QSOX2: variants seen among roughly 807,000 people sequenced by gnomAD.
The protein encoded by QSOX2 is quiescin sulfhydryl oxidase 2.
Under a neutral mutation model 61.7 loss-of-function variants are expected in QSOX2, and 46 were observed. The observed-to-expected ratio is 0.75, with a 90% CI of 0.59 to 0.95. The LOEUF (loss-of-function observed/expected upper bound fraction) is 0.95, where lower values mean the gene tolerates loss of function less well. Ranked by LOEUF, QSOX2 falls within the 40% of genes least tolerant of loss-of-function variation. The pLI is 0.00. For missense variants in QSOX2, 879 were observed against 918.9 expected (o/e 0.96, Z 0.56); for synonymous variants, 383 against 388.4 (o/e 0.99, Z 0.16).
At chr9:136,237,138 G>GTCACCTGGAGCCCGTCCTGGGCCTGCA (rs1830391868) in intron 1 of QSOX2, among the ~76,000 whole-genome samples, 1 of 132,012 alleles carries the variant, frequency 7.6e-6, no homozygotes, top group African/African-American at 2.9e-5. Flanking sequence ...CTGGGCCGGC[G>GTCACCTGGAGCCCGTCCTGGGCCTGCA]TCACCTGGAG....
rs767414712 is a variant in QSOX2, at chr9:136,221,797, C to T, written c.820G>A (p.Val274Ile). Residue 274 changes from valine to isoleucine, a missense_variant and splice_region_variant, in exon 6 of 12, where the codon GTC becomes ATC. Val to Ile is a conservative substitution (Grantham distance 29). Coordinates refer to ENST00000358701, the MANE Select transcript of QSOX2 (RefSeq NM_181701.4). The surrounding 1 kb of genome is among the most constrained non-coding windows in gnomAD (Gnocchi z 4.5). Reference sequence around the variant, plus strand: ...CCCAGACCCCACCCGGGCACTCACACGTTAATCAATCCATGCGACCCATTT... The same window carrying T: ...CCCAGACCCCACCCGGGCACTCACATGTTAATCAATCCATGCGACCCATTT... ...YPNGSHGLINVVKPLRAFFSS... is the reference protein window; with the variant it reads ...YPNGSHGLINIVKPLRAFFSS... The T allele has an allele frequency of 9.4e-6, 15 of 1,599,784 alleles. No homozygotes were observed. In the East Asian group the frequency reaches 1.3e-4, roughly 14 times the overall value.
At chr9:136,229,624 C>T (rs1181067306) in intron 1 of QSOX2, among the ~76,000 whole-genome samples, 1 of 152,174 alleles carries the variant, frequency 6.6e-6, no homozygotes, top group Non-Finnish European at 1.5e-5. Context: ...ATCATCAAGC[C>T]GGCCTAGAAA....
chr9:136,229,210 C>T (rs922205934), intron 1 of QSOX2, among the ~76,000 whole-genome samples: 6 of 152,260 alleles, frequency 3.9e-5, no homozygotes, highest in Admixed American at 2.6e-4. Flanking sequence ...AGAAGCGACA[C>T]GAGCTCTCTG....
Position 136,209,041 on chromosome 9 carries a change from G to C in QSOX2, c.1784C>G (p.Thr595Ser). 4 of 1,614,122 alleles carry C rather than the reference G, an allele frequency of 2.5e-6. No individual in the cohort carries two copies. The highest frequency in any genetic ancestry group is 3.4e-6 in the Non-Finnish European group (4 of 1,179,994). ...GTCTCCATGGGACACCTCTGGGGGA[G>C]TGAGTCTTTTCTCCTCTTCCTCACC... ...ARGEEEEKRLTPPEVSHGDRD... is the reference protein window; with the variant it reads ...ARGEEEEKRLSPPEVSHGDRD... The change falls in exon 12 of 12, where the codon ACT (threonine) becomes AGT (serine). Residue 595 changes from threonine to serine, a missense_variant. Physicochemically the swap from Thr to Ser is moderately conservative, Grantham distance 58. Transcript: ENST00000358701. This position sits in a 1 kb window ranked among gnomAD's most constrained non-coding sequence, Gnocchi z 5.6.
At chr9:136,216,395 G>A (rs1831913793) in intron 9 of QSOX2, among the ~76,000 whole-genome samples, 1 of 152,260 alleles carries the variant, frequency 6.6e-6, no homozygotes, top group Non-Finnish European at 1.5e-5. Flanking sequence ...TTGGTGAGCT[G>A]TCCTTAAACT....
At chr9:136,229,942 C>A (rs551820137) in intron 1 of QSOX2, among the ~76,000 whole-genome samples, 1 of 152,222 alleles carries the variant, frequency 6.6e-6, no homozygotes, top group East Asian at 1.9e-4. Flanking sequence ...AGGTGAAGGC[C>A]GCTTGGACAG....
rs1554755630 is a variant in QSOX2, at chr9:136,208,289, A to AGTGGAGGGTGCAGGGAGGGCCAAGGTG, written c.*438_*439insCACCTTGGCCCTCCCTGCACCCTCCAC. The AGTGGAGGGTGCAGGGAGGGCCAAGGTG allele has an allele frequency of 4.1e-4, 2 of 4,882 alleles. No homozygotes were observed. Among genetic ancestry groups the AGTGGAGGGTGCAGGGAGGGCCAAGGTG allele is most frequent in the African/African-American group, 1.3e-3 (2 of 1,556 alleles). 0.3% of individuals were successfully genotyped at this position (4,882 alleles called of 1,614,324 possible). ...GAGCGGGGGGAGGGGGAGCGAGGGG[A>AGTGGAGGGTGCAGGGAGGGCCAAGGTG]GTGGGGGGGAGCCAGGAGCCGCGGG... On this transcript the variant is annotated 3_prime_UTR_variant, in exon 12 of 12. Coordinates refer to ENST00000358701, the MANE Select transcript of QSOX2 (RefSeq NM_181701.4).
intron 1 of QSOX2, among the ~76,000 whole-genome samples, chr9:136,229,530 T>C (rs1230028377): frequency 1.3e-5 from 2 of 152,230 alleles, no homozygotes; most frequent in Admixed American, 6.5e-5. Context: ...AAAGCACCTT[T>C]GTGCCCAGAA....
intron 6 of QSOX2, among the ~76,000 whole-genome samples, chr9:136,220,366 T>TTAA (rs1270900681): frequency 6.6e-6 from 1 of 152,240 alleles, no homozygotes; most frequent in Admixed American, 6.5e-5. Flanking sequence ...TGCGGTGTTC[T>TTAA]GGGCTTCTGT....
chr9:136,234,446 C>T (rs1163245796), intron 1 of QSOX2, among the ~76,000 whole-genome samples: 2 of 152,158 alleles, frequency 1.3e-5, no homozygotes, highest in South Asian at 2.1e-4. Flanking sequence ...CCCTGGAGGG[C>T]CGCCCAGATG....
At chr9:136,230,636 C>T (rs1830321432) in intron 1 of QSOX2, among the ~76,000 whole-genome samples, 1 of 152,246 alleles carries the variant, frequency 6.6e-6, no homozygotes, top group Non-Finnish European at 1.5e-5. Context: ...CCCAATGAGG[C>T]TTCAGATTCC....
At chr9:136,224,678 C>G (rs181287747) in intron 3 of QSOX2, among the ~76,000 whole-genome samples, 183 bp downstream of exon 3, 2 of 152,274 alleles carry the variant, frequency 1.3e-5, no homozygotes, top group African/African-American at 4.8e-5. Flanking sequence ...AGGCAAAGCA[C>G]AAAATTAAAA....
At chr9:136,237,126 T>C (rs1285926007) in intron 1 of QSOX2, among the ~76,000 whole-genome samples, 2 of 123,250 alleles carry the variant, frequency 1.6e-5, no homozygotes, top group Non-Finnish European at 3.2e-5. Context: ...CTGGAGCCCA[T>C]CCTGGGCCGG....
chr9:136,209,298 G>C lies in QSOX2; in HGVS notation c.1550-23C>G. On this transcript the variant is annotated intron_variant, in intron 11 of 11. Transcript: ENST00000358701. This position sits in a 1 kb window ranked among gnomAD's most constrained non-coding sequence, Gnocchi z 5.6. The stretch of plus-strand genomic sequence containing the variant: ...GGCCTAGGAAGAAAAGGAAGCGGGA[G>C]AGCCAGAGGGAAGGAGGCTTTGTGC... 6.2e-7 allele frequency: 1 copy of C among 1,602,498 alleles called. No individual in the cohort carries two copies. Among genetic ancestry groups the C allele is most frequent in the African/African-American group, 1.3e-5 (1 of 74,656 alleles).
In QSOX2 at chr9:136,221,594, T is replaced by A. The variant is rs1034086042; in HGVS notation, c.821+202A>T. ...CCTCCTAGGTGCGGGGACACAGCAG[T>A]GAGAAAACAGAAATCCACGAAAACA... On this transcript the variant is annotated intron_variant, in intron 6 of 11. Coordinates refer to ENST00000358701, the MANE Select transcript of QSOX2 (RefSeq NM_181701.4). This position sits in a 1 kb window ranked among gnomAD's most constrained non-coding sequence, Gnocchi z 4.5. Among the ~76,000 whole-genome samples, 2 of 152,068 alleles carry A rather than the reference T, an allele frequency of 1.3e-5. No individual in the cohort carries two copies. The highest frequency in any genetic ancestry group is 2.9e-5 in the Non-Finnish European group (2 of 68,022).
intron 1 of QSOX2, among the ~76,000 whole-genome samples, chr9:136,229,706 T>C (rs1054789943): frequency 6.6e-6 from 1 of 152,166 alleles, no homozygotes; most frequent in African/African-American, 2.4e-5. Context: ...CACGGTGGGA[T>C]CTGGTCCCAT....
chr9:136,219,299 G>T, intron 6 of QSOX2, 135 bp from the exon 7 acceptor site: 1 of 1,106,060 alleles, frequency 9.0e-7, no homozygotes, highest in Non-Finnish European at 1.2e-6. Flanking sequence ...GAGTCAGTGG[G>T]AACAGCTGAC....
At chr9:136,230,048 A>G (rs950856020) in intron 1 of QSOX2, among the ~76,000 whole-genome samples, 18 of 152,312 alleles carry the variant, frequency 1.2e-4, no homozygotes, top group African/African-American at 4.3e-4. Flanking sequence ...TGGGAGGTCA[A>G]GGCAGGCAGA....
In QSOX2 at chr9:136,245,800, C is replaced by A. The variant is rs1554758499; in HGVS notation, c.4G>T (p.Ala2Ser). 1 of 1,157,238 alleles carries A rather than the reference C, an allele frequency of 8.6e-7. No homozygotes were observed. Among genetic ancestry groups the A allele is most frequent in the South Asian group, 4.2e-5 (1 of 24,044 alleles). 71.7% of individuals were successfully genotyped at this position (1,157,238 alleles called of 1,614,324 possible). The change falls in exon 1 of 12, where the codon GCG becomes TCG. Residue 2 changes from alanine (A) to serine (S), a missense_variant. Transcript: ENST00000358701. MAAAGAAVARSP... is the reference protein window; with the variant it reads MSAAGAAVARSP... ...CGCGCCACCGCCGCCCCGGCCGCCG[C>A]CATGTTGGAAGTGCCGCCGGCGCGC...
Sources: allele counts gnomAD v4.1 joint callset (sites outside exome capture counted in the v4.1 genomes callset), GRCh38; gene constraint gnomAD v4.1.1; non-coding constraint Gnocchi (gnomAD v3.1); transcripts MANE v1.5; gene names NCBI Gene and HGNC (gene_info 2026-07-23, HGNC 2026-07-21).